NARS2: variants seen among roughly 807,000 people sequenced by gnomAD.
The protein encoded by NARS2 is asparaginyl-tRNA synthetase.
A neutral mutation model predicts 62.9 loss-of-function variants in NARS2; 60 were observed. The observed-to-expected ratio is 0.95, with a 90% CI of 0.77 to 1.18. The LOEUF (loss-of-function observed/expected upper bound fraction) is 1.18, where lower values mean the gene tolerates loss of function less well. Ranked by LOEUF, NARS2 falls within the 50% of genes most tolerant of loss-of-function variation. NARS2 has a pLI of 0.00. For missense variants in NARS2, 619 were observed against 576.4 expected, an observed-to-expected ratio of 1.07 and a Z score of -0.76; for synonymous variants, 196 against 200.0, an observed-to-expected ratio of 0.98 and a Z score of 0.17.
chr11:78,441,974 A>G (rs1428383862), intron 12 of NARS2, among the ~76,000 whole-genome samples: 1 of 152,252 alleles, frequency 6.6e-6, no homozygotes, highest in African/African-American at 2.4e-5. Context: ...TAATGTGACC[A>G]GGAATATGAA....
In NARS2 at chr11:78,574,542, C is replaced by T; in HGVS notation, c.-54G>A. 2 of 1,525,354 alleles carry T rather than the reference C, an allele frequency of 1.3e-6. No individual in the cohort carries two copies. The highest frequency in any genetic ancestry group is 1.8e-6 in the Non-Finnish European group (2 of 1,138,720). The allele number at this position is 1,525,354 out of a possible 1,614,324, so 94.5% of individuals were successfully genotyped here. On this transcript the variant is annotated 5_prime_UTR_variant, in exon 1 of 14. Transcript: ENST00000281038. ...GCAGCCCAGACCCCACGGTTCGAACCCCGCCTGCAGCGGCCCTCCTTTCTC... is the reference window on the plus strand; with the variant it reads ...GCAGCCCAGACCCCACGGTTCGAACTCCGCCTGCAGCGGCCCTCCTTTCTC...
intron 6 of NARS2, among the ~76,000 whole-genome samples, chr11:78,519,747 C>G (rs1314041140): frequency 6.6e-6 from 1 of 151,064 alleles, no homozygotes; most frequent in Non-Finnish European, 1.5e-5. Flanking sequence ...GTCGCCCATG[C>G]TGGAGTGCAG....
Position 78,456,515 on chromosome 11 carries a change from G to A in NARS2, c.1164+9361C>T, listed in dbSNP as rs117201481. On this transcript the variant is annotated intron_variant, in intron 11 of 13. Coordinates refer to ENST00000281038, the MANE Select transcript of NARS2 (RefSeq NM_024678.6). ...GGTTGGTGGCTCGAGCTATTTTGAT[G>A]CAGGTTGGTTAATTAGCCACAGCTC... Among the ~76,000 whole-genome samples, 807 of 152,246 alleles carry A rather than the reference G, an allele frequency of 5.3e-3. 17 individuals are homozygous for A. Among genetic ancestry groups the A allele is most frequent in the East Asian group, 0.033 (170 of 5,178 alleles).
chr11:78,503,912 A>T (rs531705001), intron 6 of NARS2, among the ~76,000 whole-genome samples: 1 of 152,338 alleles, frequency 6.6e-6, no homozygotes, highest in East Asian at 1.9e-4. Context: ...GGCTGCATGA[A>T]TACTAAAAAT....
At chr11:78,473,278 C>A (rs1472567835) in intron 9 of NARS2, among the ~76,000 whole-genome samples, 1 of 152,178 alleles carries the variant, frequency 6.6e-6, no homozygotes, top group Non-Finnish European at 1.5e-5. Context: ...TTATTGCTGC[C>A]CAGTATTTCA....
chr11:78,504,701 T>C (rs926805089), intron 6 of NARS2, among the ~76,000 whole-genome samples: 5 of 152,308 alleles, frequency 3.3e-5, no homozygotes, highest in Middle Eastern at 3.4e-3. Context: ...CTACAGTCTT[T>C]GTTACAGCAC....
chr11:78,568,872 T>C, intron 2 of NARS2, 120 bp from the exon 3 acceptor site: 1 of 698,180 alleles, frequency 1.4e-6, no homozygotes, highest in South Asian at 2.5e-5. Flanking sequence ...CTTATTGGGT[T>C]AAATAATCTT....
intron 9 of NARS2, among the ~76,000 whole-genome samples, chr11:78,478,182 C>T (rs1859187137): frequency 6.6e-6 from 1 of 151,992 alleles, no homozygotes; most frequent in Non-Finnish European, 1.5e-5. Context: ...TAGATTTTAT[C>T]TTGCTATGAT....
At chr11:78,504,179 C>T (rs1163206307) in intron 6 of NARS2, among the ~76,000 whole-genome samples, 1 of 152,124 alleles carries the variant, frequency 6.6e-6, no homozygotes, top group Non-Finnish European at 1.5e-5. Flanking sequence ...ACCATATTGT[C>T]CTAAAGGAGA....
chr11:78,544,832 T>A (rs1258282562), intron 5 of NARS2, among the ~76,000 whole-genome samples: 1 of 146,286 alleles, frequency 6.8e-6, no homozygotes, highest in Non-Finnish European at 1.5e-5. Flanking sequence ...TACAGAAAAT[T>A]AGCTGCGCGT....
chr11:78,561,102 T>C (rs1856542881), intron 4 of NARS2, among the ~76,000 whole-genome samples: 1 of 152,214 alleles, frequency 6.6e-6, no homozygotes, highest in African/African-American at 2.4e-5. Flanking sequence ...GAGATTTTTT[T>C]TTAAATCACA....
At chr11:78,542,026 T>C (rs949624090) in intron 5 of NARS2, among the ~76,000 whole-genome samples, 2 of 152,254 alleles carry the variant, frequency 1.3e-5, no homozygotes, top group Non-Finnish European at 2.9e-5. Flanking sequence ...TATGTTTCCA[T>C]ACTTTCCACT....
At chr11:78,566,024 T>C (rs1384236755) in intron 4 of NARS2, 108 bp downstream of exon 4, 2 of 925,344 alleles carry the variant, frequency 2.2e-6, no homozygotes, top group African/African-American at 1.7e-5. Flanking sequence ...CAATCAAAAC[T>C]AACCCATAAC....
In NARS2 at chr11:78,493,083, T is replaced by C. The variant is rs775865408; in HGVS notation, c.802A>G (p.Ser268Gly). The stretch of plus-strand genomic sequence containing the variant: ...CCTACCTGCATAAGATCTTGAAGGC[T>C]GTCAACAAAAGAAATCTCTGCTTCT... Reference protein sequence around the residue: ...MIEAEISFVDSLQDLMQVIEE... With the variant: ...MIEAEISFVDGLQDLMQVIEE... Residue 268 changes from serine to glycine, a missense_variant, in exon 7 of 14, where the codon AGC becomes GGC. Physicochemically the swap from Ser to Gly is moderately conservative, Grantham distance 56 (BLOSUM62 0). Coordinates refer to ENST00000281038, the MANE Select transcript of NARS2 (RefSeq NM_024678.6). 7 of 1,613,080 alleles carry C rather than the reference T, an allele frequency of 4.3e-6. No individual in the cohort carries two copies. The highest frequency in any genetic ancestry group is 5.9e-6 in the Non-Finnish European group (7 of 1,179,644).
intron 11 of NARS2, among the ~76,000 whole-genome samples, chr11:78,460,989 C>T (rs563010242): frequency 6.6e-6 from 1 of 152,158 alleles, no homozygotes; most frequent in East Asian, 1.9e-4. Context: ...TTATAAGTAA[C>T]CTATAAATTA....
intron 6 of NARS2, among the ~76,000 whole-genome samples, chr11:78,521,037 C>T (rs145138817): frequency 0.029 from 3,952 of 135,060 alleles, 193 homozygotes; most frequent in African/African-American, 0.11. Context: ...CCAGCCTGGG[C>T]GACAGAGCAA....
chr11:78,508,906 G>C (rs973131739), intron 6 of NARS2, among the ~76,000 whole-genome samples: 3 of 151,996 alleles, frequency 2.0e-5, no homozygotes, highest in African/African-American at 7.3e-5. Flanking sequence ...CTTGAGGCAC[G>C]GAGTTTGAGA....
chr11:78,440,533 ATAAT>A (rs1185211258), intron 13 of NARS2, among the ~76,000 whole-genome samples: 1 of 150,182 alleles, frequency 6.7e-6, no homozygotes, highest in African/African-American at 2.4e-5. Flanking sequence ...ATGACATAAT[ATAAT>A]TTTTTTTTTT....
At chr11:78,439,759 C>T (rs920299338) in intron 13 of NARS2, among the ~76,000 whole-genome samples, 1 of 152,074 alleles carries the variant, frequency 6.6e-6, no homozygotes, top group Non-Finnish European at 1.5e-5. Flanking sequence ...CCTTCCTCTT[C>T]CTGAGCACAG....
Sources: allele counts gnomAD v4.1 joint callset (sites outside exome capture counted in the v4.1 genomes callset), GRCh38; gene constraint gnomAD v4.1.1; transcripts MANE v1.5; gene names NCBI Gene and HGNC (gene_info 2026-07-23, HGNC 2026-07-21).